Variants in HACD4 observed in about 807,000 individuals in gnomAD.
HACD4 encodes 3-hydroxyacyl-CoA dehydratase 4.
A neutral mutation model predicts 33.3 loss-of-function variants in HACD4; 35 were observed. That is an observed-to-expected ratio of 1.05 (90% CI 0.80 to 1.39). The LOEUF (loss-of-function observed/expected upper bound fraction) is 1.39, where lower values mean the gene tolerates loss of function less well. HACD4 is among the 40% of genes most tolerant of loss of function. HACD4 has a pLI of 0.00. For missense variants in HACD4, 323 were observed against 276.5 expected (o/e 1.17, Z -1.19); for synonymous variants, 118 against 98.0 (o/e 1.20, Z -1.21).
At chr9:21,016,161 T>A (rs1036059242) in intron 3 of HACD4, 151 bp from the exon 4 acceptor site, 8 of 526,712 alleles carry the variant, frequency 1.5e-5, no homozygotes, top group Non-Finnish European at 2.7e-5. Flanking sequence ...TCTGAGAGAG[T>A]AGGGTTATGG....
At chr9:21,022,090 T>C (rs1282075385) in intron 3 of HACD4, among the ~76,000 whole-genome samples, 2 of 152,276 alleles carry the variant, frequency 1.3e-5, no homozygotes, top group African/African-American at 4.8e-5. Flanking sequence ...TCTACAACCA[T>C]CTGATCTTTG....
At chr9:21,013,327 T>C (rs1842483004) in intron 4 of HACD4, among the ~76,000 whole-genome samples, 1 of 152,194 alleles carries the variant, frequency 6.6e-6, no homozygotes, top group Non-Finnish European at 1.5e-5. Context: ...TTGTCAAAAA[T>C]TAATTGACCA....
At chr9:21,029,444 C>T (rs1326074990) in intron 1 of HACD4, 46 bp from the exon 2 acceptor site, 1 of 1,203,530 alleles carries the variant, frequency 8.3e-7, no homozygotes, top group Non-Finnish European at 1.2e-6. Flanking sequence ...TTATAATCAT[C>T]CTTTCATCAC....
chr9:21,029,396 T>A lies in HACD4; in HGVS notation c.41A>T (p.Tyr14Phe). 6.6e-7 allele frequency: 1 copy of A among 1,521,914 alleles called. No individual in the cohort carries two copies. Among genetic ancestry groups the A allele is most frequent in the Non-Finnish European group, 9.1e-7 (1 of 1,102,840 alleles). The allele number at this position is 1,521,914 out of a possible 1,614,324, so 94.3% of individuals were successfully genotyped here. Residue 14 changes from tyrosine (Y) to phenylalanine (F), a missense_variant and splice_region_variant, in exon 2 of 7, where the codon TAT (tyrosine) becomes TTT (phenylalanine). Physicochemically the swap from Tyr to Phe is conservative, Grantham distance 22 (BLOSUM62 3). Transcript: ENST00000495827. ...GATGAAAAGATACGCATTCTTCCTA[T>A]ACCTATAAATACAGGAAAATACCAT... ...LALPAWLQPRYRKNAYLFIYY... is the reference protein window; with the variant it reads ...LALPAWLQPRFRKNAYLFIYY...
intron 4 of HACD4, chr9:21,015,266 G>A (rs905487524): frequency 8.5e-5 from 13 of 152,160 alleles, no homozygotes; most frequent in African/African-American, 3.1e-4. Flanking sequence ...TCAAGTAGGA[G>A]GGACGGTTCT....
At chr9:21,031,156 C>G (rs1297520956) in intron 1 of HACD4, among the ~76,000 whole-genome samples, 1 of 152,096 alleles carries the variant, frequency 6.6e-6, no homozygotes, top group East Asian at 1.9e-4. Flanking sequence ...TGTTCCCCGC[C>G]GGAACTAGGC....
Position 21,031,401 on chromosome 9 carries a change from T to G in HACD4, c.38+152A>C. 5 of 1,269,430 alleles carry G rather than the reference T, an allele frequency of 3.9e-6. No homozygotes were observed. The South Asian group carries it at 1.1e-4, about 28-fold the overall frequency. The allele number at this position is 1,269,430 out of a possible 1,614,324, so 78.6% of individuals were successfully genotyped here. The stretch of plus-strand genomic sequence containing the variant: ...CAAGAGGGGTAAGTTAGCAAATACC[T>G]GCATGAGCTCCAAGGGGTGCCTGGG... On this transcript the variant is annotated intron_variant, in intron 1 of 6. Coordinates refer to ENST00000495827, the MANE Select transcript of HACD4 (RefSeq NM_001010915.5).
chr9:21,023,543 C>T (rs1377051286), intron 3 of HACD4, among the ~76,000 whole-genome samples: 2 of 151,882 alleles, frequency 1.3e-5, no homozygotes, highest in Non-Finnish European at 1.5e-5. Context: ...ACCAGTTCCC[C>T]CCAAGAAGAA....
chr9:21,023,447 C>G (rs7868923), intron 3 of HACD4, among the ~76,000 whole-genome samples: 1 of 151,988 alleles, frequency 6.6e-6, no homozygotes, highest in Admixed American at 6.5e-5. Context: ...CACACCACCA[C>G]TACTTGATAT....
chr9:21,025,601 C>G (rs1304587148), intron 3 of HACD4, among the ~76,000 whole-genome samples: 1 of 152,094 alleles, frequency 6.6e-6, no homozygotes, highest in Non-Finnish European at 1.5e-5. Context: ...CCTTTACTGT[C>G]CCATAAGAAA....
rs896952490 is a variant in HACD4 at position 21,001,887 on chromosome 9, T to G, written c.*5150A>C. 2.6e-5 allele frequency: 4 copies of G among 152,052 alleles called. No individual in the cohort carries two copies. Among genetic ancestry groups the G allele is most frequent in the African/African-American group, 9.7e-5 (4 of 41,420 alleles). 9.4% of individuals were successfully genotyped at this position (152,052 alleles called of 1,614,324 possible). A position where few individuals can be genotyped will look rare whatever the true frequency, so the allele number is the denominator to read the frequency against. ...GAAATGCTAATAGGGGTCCTGCAAG[T>G]TGAAATGGAAAGACACTAAACAGCA... is the stretch of plus-strand genomic sequence containing the variant. On this transcript the variant is annotated 3_prime_UTR_variant, in exon 7 of 7. Coordinates refer to ENST00000495827, the MANE Select transcript of HACD4 (RefSeq NM_001010915.5).
Position 21,002,261 on chromosome 9 carries a change from T to C in HACD4, c.*4776A>G, listed in dbSNP as rs1385467541. On this transcript the variant is annotated 3_prime_UTR_variant, in exon 7 of 7. Transcript: ENST00000495827. ...TGAGAAAGATACTTAAATGCTTCACTATAAAAAAGTAAACTACACACAAAA... is the reference window on the plus strand; with the variant it reads ...TGAGAAAGATACTTAAATGCTTCACCATAAAAAAGTAAACTACACACAAAA... 6.6e-6 allele frequency: 1 copy of C among 152,028 alleles called. No individual in the cohort carries two copies. The highest frequency in any genetic ancestry group is 6.6e-5 in the Admixed American group (1 of 15,252). The allele number at this position is 152,028 out of a possible 1,614,324, so 9.4% of individuals were successfully genotyped here.
chr9:21,016,860 A>G (rs1842567540), intron 3 of HACD4, among the ~76,000 whole-genome samples: 1 of 152,028 alleles, frequency 6.6e-6, no homozygotes, highest in Non-Finnish European at 1.5e-5. Flanking sequence ...AAAGAATTCA[A>G]TATATTCCAA....
At chr9:21,021,884 A>G (rs1470392128) in intron 3 of HACD4, among the ~76,000 whole-genome samples, 4 of 152,156 alleles carry the variant, frequency 2.6e-5, no homozygotes, top group Admixed American at 2.0e-4. Context: ...AACTACTTTA[A>G]AGTTCATATG....
chr9:21,011,799 CA>C (rs1842445838), intron 4 of HACD4, 104 bp from the exon 5 acceptor site: 2 of 617,084 alleles, frequency 3.2e-6, no homozygotes, highest in African/African-American at 1.9e-5. Flanking sequence ...GGAAAGTGTA[CA>C]AATTGTATAT....
rs1818144511 is a variant in HACD4, at chr9:21,029,301, C to T, written c.136G>A (p.Gly46Arg). ...TNMTVRFFSF[G>R]KDSMVDTFYA... The stretch of plus-strand genomic sequence containing the variant: ...AACTGTTTCGGAGTTTTACCTTTTC[C>T]AAATGAAAAGAATCTGACTGTCATA... Residue 46 changes from glycine to arginine, a missense_variant, in exon 2 of 7, where the codon GGA (glycine) becomes AGA (arginine). Transcript: ENST00000495827. 2 of 1,557,588 alleles carry T rather than the reference C, an allele frequency of 1.3e-6. No homozygotes were observed. The highest frequency in any genetic ancestry group is 2.3e-5 in the East Asian group (1 of 44,334).
chr9:21,013,343 G>T (rs1842483241), intron 4 of HACD4, among the ~76,000 whole-genome samples: 1 of 152,168 alleles, frequency 6.6e-6, no homozygotes, highest in Non-Finnish European at 1.5e-5. Flanking sequence ...GACCAAAAAT[G>T]TGTGAGAGTT....
chr9:21,016,091 T>C (rs1842549571), intron 3 of HACD4, 81 bp from the exon 4 acceptor site: 1 of 883,972 alleles, frequency 1.1e-6, no homozygotes, highest in Admixed American at 2.1e-5. Context: ...AAACCAGATC[T>C]CCTTTCAAAA....
At chr9:21,031,516 G>C in intron 1 of HACD4, 37 bp downstream of exon 1, 1 of 1,452,214 alleles carries the variant, frequency 6.9e-7, no homozygotes, top group Non-Finnish European at 9.0e-7. Flanking sequence ...CCCTCCACCC[G>C]CGCCCCCTCC....
Sources: gnomAD v4.1 joint callset for allele counts (sites outside exome capture counted in the v4.1 genomes callset) on GRCh38, gnomAD v4.1.1 for gene constraint, MANE v1.5 for transcripts, NCBI Gene and HGNC (gene_info 2026-07-23, HGNC 2026-07-21) for gene names.